Variants in PHLPP2 observed in about 807,000 individuals in gnomAD.
The protein encoded by PHLPP2 is PH domain and leucine rich repeat protein phosphatase 2.
A neutral mutation model predicts 124.9 loss-of-function variants in PHLPP2; 66 were observed. The ratio of observed to expected loss-of-function variants is 0.53; its 90% CI spans 0.43 to 0.65. The LOEUF is 0.65. Among genes scored for constraint, PHLPP2 ranks in the 30% least tolerant of loss-of-function variants. The probability of loss-of-function intolerance (pLI) is 0.00; values close to 1 mark genes in which losing one functional copy is unlikely to be tolerated. For synonymous variants in PHLPP2, 681 were observed against 624.7 expected (o/e 1.09, Z -1.34); for missense variants, 1,685 against 1,600.4 (o/e 1.05, Z -0.90).
Position 71,681,918 on chromosome 16 carries a change from A to G in PHLPP2, c.736-13T>C. On this transcript the variant is annotated splice_polypyrimidine_tract_variant and intron_variant, in intron 5 of 18. Coordinates refer to ENST00000568954, the MANE Select transcript of PHLPP2 (RefSeq NM_015020.3). ...GCTGGGACACCACCTGAATAATGTC[A>G]AAGAGAAGAGCCTTCTGAGCTAGTA... 6.3e-7 allele frequency: 1 copy of G among 1,587,358 alleles called. No individual in the cohort carries two copies. The highest frequency in any genetic ancestry group is 2.3e-5 in the East Asian group (1 of 43,438).
In PHLPP2 at chr16:71,663,802, G is replaced by A. The variant is rs112940847; in HGVS notation, c.1985+97C>T. 879 of 925,140 alleles carry A rather than the reference G, an allele frequency of 9.5e-4. 11 individuals are homozygous for A. In the African/African-American group the frequency reaches 0.013, roughly 13 times the overall value. The allele number at this position is 925,140 out of a possible 1,614,324, so 57.3% of individuals were successfully genotyped here. On this transcript the variant is annotated intron_variant, in intron 13 of 18. Transcript: ENST00000568954. ...TCATAGCATCTGTAAGTCAGTGAAC[G>A]TAAACAAAGAGTCATAGTCAGATGG... is the stretch of plus-strand genomic sequence containing the variant.
At position 71,672,128 on chromosome 16, in the gene PHLPP2, A is replaced by C. The variant is rs2044899655; in HGVS notation, c.1532+134T>G. The C allele has an allele frequency of 2.2e-5, 15 of 671,892 alleles. No homozygotes were observed. The South Asian group carries it at 2.5e-4, about 11-fold the overall frequency. The allele number at this position is 671,892 out of a possible 1,614,324, so 41.6% of individuals were successfully genotyped here. On this transcript the variant is annotated intron_variant, in intron 10 of 18. Coordinates refer to ENST00000568954, the MANE Select transcript of PHLPP2 (RefSeq NM_015020.3). ...GGCTATTAAACTTATTCGTCCATTC[A>C]TCCTTTCTCCTTTTTCCAGGTTATC...
chr16:71,690,445 T>G, intron 4 of PHLPP2, 74 bp downstream of exon 4: 2 of 1,010,086 alleles, frequency 2.0e-6, no homozygotes, highest in Non-Finnish European at 3.0e-6. Flanking sequence ...GACTAAAAGC[T>G]ATGAAAAGCA....
At chr16:71,692,588 G>C (rs554381232) in intron 3 of PHLPP2, among the ~76,000 whole-genome samples, 1 of 151,998 alleles carries the variant, frequency 6.6e-6, no homozygotes, top group East Asian at 1.9e-4. Context: ...TTCTATTCTA[G>C]GTCAATCCTT....
intron 12 of PHLPP2, among the ~76,000 whole-genome samples, chr16:71,666,719 T>C (rs1230599376): frequency 2.0e-5 from 3 of 152,146 alleles, no homozygotes; most frequent in African/African-American, 7.2e-5. Context: ...TTTCAAAAAG[T>C]ACACAAAAAG....
chr16:71,683,893 C>T (rs1378501547), intron 5 of PHLPP2, among the ~76,000 whole-genome samples: 1 of 151,950 alleles, frequency 6.6e-6, no homozygotes, highest in Non-Finnish European at 1.5e-5. Context: ...TGGGTTCAAG[C>T]GATTCTCCTG....
intron 1 of PHLPP2, chr16:71,723,611 T>C: frequency 3.3e-6 from 1 of 307,288 alleles, no homozygotes; most frequent in Non-Finnish European, 5.7e-6. Flanking sequence ...CAGCCGGGTG[T>C]GGGGCGGCCG....
intron 3 of PHLPP2, among the ~76,000 whole-genome samples, chr16:71,693,454 T>C (rs1395646198): frequency 6.6e-6 from 1 of 152,170 alleles, no homozygotes; most frequent in Non-Finnish European, 1.5e-5. Flanking sequence ...TTTCAATCAA[T>C]CATTAAGTCT....
At chr16:71,706,071 A>G (rs1225234772) in intron 2 of PHLPP2, among the ~76,000 whole-genome samples, 1 of 152,238 alleles carries the variant, frequency 6.6e-6, no homozygotes, top group Non-Finnish European at 1.5e-5. Context: ...GGGAAATAAT[A>G]TACTGCAAAA....
intron 2 of PHLPP2, among the ~76,000 whole-genome samples, chr16:71,713,140 TAAC>T (rs1295043919): frequency 6.6e-6 from 1 of 152,132 alleles, no homozygotes. Context: ...AAAATTAAAA[TAAC>T]AAAACAACAA....
intron 3 of PHLPP2, among the ~76,000 whole-genome samples, chr16:71,694,112 T>C (rs1597009103): frequency 6.6e-6 from 1 of 152,218 alleles, no homozygotes; most frequent in Admixed American, 6.5e-5. Flanking sequence ...GAGAATCGAT[T>C]GCACCAGGGA....
chr16:71,686,297 T>C (rs1303172598), intron 4 of PHLPP2, among the ~76,000 whole-genome samples: 1 of 152,182 alleles, frequency 6.6e-6, no homozygotes, highest in Non-Finnish European at 1.5e-5. Flanking sequence ...CTTAGCTTCC[T>C]GAGTAGCTAG....
chr16:71,658,767 G>C lies in PHLPP2; in HGVS notation c.2034C>G (p.Asn678Lys). ...EQLEELNLSG[N>K]KLKTIPTTIA... ...TGGTTGTGGGAATGGTTTTAAGCTT[G>C]TTGCCACTTAGGTTCAGTTCCTCCA... The change falls in exon 14 of 19, where the codon AAC (asparagine) becomes AAG (lysine). Residue 678 changes from asparagine to lysine, a missense_variant. Physicochemically the swap from Asn to Lys is moderately conservative, Grantham distance 94. Transcript: ENST00000568954. The C allele has an allele frequency of 6.2e-7, 1 of 1,614,114 alleles. No individual in the cohort carries two copies. The highest frequency in any genetic ancestry group is 8.5e-7 in the Non-Finnish European group (1 of 1,179,998).
chr16:71,660,263 T>A (rs2044776783), intron 13 of PHLPP2, among the ~76,000 whole-genome samples: 1 of 150,704 alleles, frequency 6.6e-6, no homozygotes, highest in African/African-American at 2.4e-5. Context: ...GTAATCCCAG[T>A]ACTTTCAGAG....
intron 9 of PHLPP2, among the ~76,000 whole-genome samples, chr16:71,674,766 G>A (rs1176190682): frequency 2.0e-5 from 3 of 152,190 alleles, no homozygotes; most frequent in Admixed American, 1.3e-4. Flanking sequence ...GGAGGCTGAG[G>A]TGGGCAGCTA....
intron 3 of PHLPP2, among the ~76,000 whole-genome samples, chr16:71,692,878 T>A (rs183122676): frequency 6.6e-6 from 1 of 152,314 alleles, no homozygotes; most frequent in Admixed American, 6.5e-5. Context: ...CGACTGACTG[T>A]ATTCTAAATT....
intron 3 of PHLPP2, among the ~76,000 whole-genome samples, chr16:71,701,930 A>G (rs573461059): frequency 6.6e-5 from 10 of 152,328 alleles, no homozygotes; most frequent in African/African-American, 2.4e-4. Flanking sequence ...CACATAGTAC[A>G]TATAGAGTTC....
At chr16:71,663,567 C>T (rs1447292060) in intron 13 of PHLPP2, among the ~76,000 whole-genome samples, 1 of 152,198 alleles carries the variant, frequency 6.6e-6, no homozygotes, top group Non-Finnish European at 1.5e-5. Flanking sequence ...AAATAGATAA[C>T]AGTATTTTAC....
At chr16:71,664,307 A>G in intron 12 of PHLPP2, 1 of 587,862 alleles carries the variant, frequency 1.7e-6, no homozygotes, top group Non-Finnish European at 3.0e-6. Flanking sequence ...AGTAGAGAGG[A>G]AAAAGTACAA....
Sources: allele counts gnomAD v4.1 joint callset (sites outside exome capture counted in the v4.1 genomes callset), GRCh38; gene constraint gnomAD v4.1.1; transcripts MANE v1.5; gene names NCBI Gene and HGNC (gene_info 2026-07-23, HGNC 2026-07-21).